The following TPR variants were observed in gnomAD, a reference collection of about 807,000 sequenced individuals.
The protein encoded by TPR is translocated promoter region, nuclear basket protein.
A neutral mutation model predicts 316.1 loss-of-function variants in TPR; 51 were observed. The observed-to-expected ratio is 0.16, with a 90% confidence interval of 0.13 to 0.20. The LOEUF (loss-of-function observed/expected upper bound fraction) is 0.20, where lower values mean the gene tolerates loss of function less well. Ranked by LOEUF, TPR falls within the 10% of genes least tolerant of loss-of-function variation. The pLI, the probability that TPR is intolerant of heterozygous loss-of-function variation, is 1.00. For missense variants in TPR, 2,272 were observed against 2,754.8 expected, an observed-to-expected ratio of 0.82 and a Z score of 3.92; for synonymous variants, 981 against 914.7, an observed-to-expected ratio of 1.07 and a Z score of -1.31.
intron 3 of TPR, among the ~76,000 whole-genome samples, chr1:186,370,587 A>G (rs1659491323): frequency 6.6e-6 from 1 of 152,098 alleles, no homozygotes; most frequent in African/African-American, 2.4e-5. Flanking sequence ...GTTAAAAAAT[A>G]ATTGCATGCA....
chr1:186,354,331 G>C (rs911733170), intron 17 of TPR, among the ~76,000 whole-genome samples: 4 of 152,078 alleles, frequency 2.6e-5, no homozygotes, highest in African/African-American at 9.7e-5. Context: ...TAATGACAAT[G>C]CAATATTGAT....
chr1:186,359,452 T>C (rs1455688690), intron 12 of TPR, among the ~76,000 whole-genome samples: 2 of 152,114 alleles, frequency 1.3e-5, no homozygotes, highest in Admixed American at 6.6e-5. Context: ...AGAATGATTA[T>C]GGCAAATAGG....
chr1:186,371,149 A>C, intron 2 of TPR, 106 bp from the exon 3 acceptor site: 1 of 879,296 alleles, frequency 1.1e-6, no homozygotes, highest in Non-Finnish European at 1.8e-6. Flanking sequence ...GAAAAAACAG[A>C]AGCCCAGAAA....
chr1:186,367,310 C>T (rs996802174), intron 4 of TPR, among the ~76,000 whole-genome samples: 3 of 152,058 alleles, frequency 2.0e-5, no homozygotes, highest in Non-Finnish European at 4.4e-5. Context: ...CATGATCCAC[C>T]CACCTCAGCC....
chr1:186,361,990 C>A, intron 7 of TPR, 121 bp from the exon 8 acceptor site: 1 of 836,536 alleles, frequency 1.2e-6, no homozygotes, highest in Non-Finnish European at 1.8e-6. Context: ...CACTCAAATT[C>A]AAATCAGTCT....
rs749334596 is a variant in TPR, at chr1:186,335,049, T to C, written c.4973+19A>G. 6 of 1,608,956 alleles carry C rather than the reference T, an allele frequency of 3.7e-6. No homozygotes were observed. The Admixed American group carries it at 5.1e-5, about 14-fold the overall frequency. ...GCTTTAAAAGAAAAATAACAGACTA[T>C]GAAATAACTAAAACTCACATTCCTC... On this transcript the variant is annotated intron_variant, in intron 35 of 50. Transcript: ENST00000367478.
intron 39 of TPR, 110 bp from the exon 40 acceptor site, chr1:186,327,770 C>T (rs1658045600): frequency 2.2e-6 from 2 of 923,928 alleles, no homozygotes; most frequent in Non-Finnish European, 3.2e-6. Context: ...TACTTATGGA[C>T]TAGCAGCATT....
chr1:186,359,201 A>G (rs1184566870), intron 12 of TPR, among the ~76,000 whole-genome samples: 1 of 152,150 alleles, frequency 6.6e-6, no homozygotes, highest in Non-Finnish European at 1.5e-5. Flanking sequence ...AATTTCCCTC[A>G]GTAATGTTAA....
Position 186,347,409 on chromosome 1 carries a change from T to C in TPR, c.2826A>G (p.Arg942=). The C allele has an allele frequency of 6.2e-7, 1 of 1,614,048 alleles. No individual in the cohort carries two copies. Among genetic ancestry groups the C allele is most frequent in the Non-Finnish European group, 8.5e-7 (1 of 1,179,972 alleles). Residue 942 remains arginine, a synonymous_variant, in exon 22 of 51, where the codon AGA becomes AGG. Coordinates refer to ENST00000367478, the MANE Select transcript of TPR (RefSeq NM_003292.3). ...AGTCATTCACCTGCTCTTCTGTCTGTCTTAGCTGACTCACAAGATCATCCA... is the reference window on the plus strand; with the variant it reads ...AGTCATTCACCTGCTCTTCTGTCTGCCTTAGCTGACTCACAAGATCATCCA... ...EDVDDLVSQL[R]QTEEQVNDLK...
rs961829247 is a variant in TPR at position 186,338,225 on chromosome 1, A to G, written c.4170T>C (p.Thr1390=). The change falls in exon 31 of 51, where the codon ACT becomes ACC. Residue 1390 remains threonine, a synonymous_variant. Coordinates refer to ENST00000367478, the MANE Select transcript of TPR (RefSeq NM_003292.3). ...AEIARSNASL[T]NNQNLIQSLK... ...GACTCTGAATTAAGTTCTGGTTGTT[A>G]GTCAAAGATGCATTTGATCTTTAAA... The G allele has an allele frequency of 3.1e-6, 5 of 1,606,726 alleles. No individual in the cohort carries two copies. The Admixed American group carries it at 6.8e-5, about 22-fold the overall frequency.
At chr1:186,363,646 T>A (rs1659255829) in intron 4 of TPR, among the ~76,000 whole-genome samples, 1 of 151,996 alleles carries the variant, frequency 6.6e-6, no homozygotes, top group African/African-American at 2.4e-5. Context: ...TCCCAAAAAC[T>A]TACAATTTGA....
Position 186,370,979 on chromosome 1 carries a change from A to T in TPR, c.321T>A (p.Ile107=). ...AAGAAATATCTCTTACCTGAATGGC[A>T]ATATTGCGATCCTGAGCAATTTCAA... ...KELEIAQDRN[I]AIQSQFTRTK... Residue 107 remains isoleucine, a synonymous_variant, in exon 3 of 51, where the codon ATT becomes ATA. Transcript: ENST00000367478. 2 of 1,612,516 alleles carry T rather than the reference A, an allele frequency of 1.2e-6. No homozygotes were observed. The highest frequency in any genetic ancestry group is 1.7e-6 in the Non-Finnish European group (2 of 1,179,070).
At chr1:186,341,940 C>G (rs1658516826) in intron 27 of TPR, 1 of 152,284 alleles carries the variant, frequency 6.6e-6, no homozygotes. Flanking sequence ...CTACACTGTT[C>G]ATGCTTAGAC....
At chr1:186,343,211 G>A in intron 27 of TPR, 115 bp downstream of exon 27, 1 of 1,349,104 alleles carries the variant, frequency 7.4e-7, no homozygotes, top group Non-Finnish European at 1.0e-6. Context: ...GAATTTACAA[G>A]TTTAGAAGAA....
intron 37 of TPR, 92 bp from the exon 38 acceptor site, chr1:186,332,435 G>A: frequency 7.7e-7 from 1 of 1,301,178 alleles, no homozygotes; most frequent in Non-Finnish European, 1.1e-6. Flanking sequence ...AACTAAAGGA[G>A]AACACAGTAA....
Position 186,360,850 on chromosome 1 carries a change from C to T in TPR, c.1014G>A (p.Met338Ile), listed in dbSNP as rs747634518. ...LLEVEQSKDQ[M>I]EKEMLEKIGR... ...CTATTTTCTCAAGCATTTCTTTTTCCATTTGATCTTTGGATTGCTCCACCT... is the reference window on the plus strand; with the variant it reads ...CTATTTTCTCAAGCATTTCTTTTTCTATTTGATCTTTGGATTGCTCCACCT... Residue 338 changes from methionine (M) to isoleucine (I), a missense_variant, in exon 10 of 51, where the codon ATG (methionine) becomes ATA (isoleucine). Transcript: ENST00000367478. 6.2e-7 allele frequency: 1 copy of T among 1,612,882 alleles called. No homozygotes were observed. Among genetic ancestry groups the T allele is most frequent in the East Asian group, 2.2e-5 (1 of 44,774 alleles).
At chr1:186,337,330 T>C (rs1658369672) in intron 31 of TPR, among the ~76,000 whole-genome samples, 174 bp from the exon 32 acceptor site, 1 of 152,204 alleles carries the variant, frequency 6.6e-6, no homozygotes. Context: ...GAACTAGTTA[T>C]GGTTTTCCAC....
rs1657686586 is a variant in TPR, at chr1:186,318,806, G to T, written c.6591C>A (p.Pro2197=). 2 of 1,613,988 alleles carry T rather than the reference G, an allele frequency of 1.2e-6. No individual in the cohort carries two copies. The highest frequency in any genetic ancestry group is 8.5e-7 in the Non-Finnish European group (1 of 1,179,998). ...ACTCTTCTTCATGAGCTAGGAACAGGGGTGTTTCATACATTCCTAAACCTA... is the reference window on the plus strand; with the variant it reads ...ACTCTTCTTCATGAGCTAGGAACAGTGGTGTTTCATACATTCCTAAACCTA... ...SQGGLGMYET[P]LFLAHEEESG... is the part of the protein sequence containing the mutation. Residue 2197 remains proline, a synonymous_variant, in exon 47 of 51, where the codon CCC becomes CCA. Transcript: ENST00000367478.
rs910974224 is a variant in TPR at position 186,312,210 on chromosome 1, C to G, written c.*1761G>C. On this transcript the variant is annotated 3_prime_UTR_variant, in exon 51 of 51. Transcript: ENST00000367478. ...TCAGCAGTATATTTATAAACAGGAA[C>G]CTGTACAGAAGTGCCCTGGAAGAAG... The G allele has an allele frequency of 1.1e-5, 17 of 1,613,734 alleles. No individual in the cohort carries two copies. The highest frequency in any genetic ancestry group is 1.4e-5 in the Non-Finnish European group (16 of 1,179,894).
Sources: gnomAD v4.1 joint callset for allele counts (sites outside exome capture counted in the v4.1 genomes callset) on GRCh38, gnomAD v4.1.1 for gene constraint, MANE v1.5 for transcripts, NCBI Gene and HGNC (gene_info 2026-07-23, HGNC 2026-07-21) for gene names.